Variants in RFPL1 observed in about 807,000 individuals in gnomAD.
RFPL1 encodes ret finger protein like 1.
RFPL1 carries 6 observed loss-of-function variants against 9.6 expected under a neutral mutation model. The observed-to-expected ratio is 0.62, with a 90% CI of 0.34 to 1.23. The LOEUF is 1.23. Among genes scored for constraint, RFPL1 ranks in the 50% most tolerant of loss-of-function variants. RFPL1 has a pLI of 0.03. For synonymous variants in RFPL1, 145 were observed against 149.4 expected, an observed-to-expected ratio of 0.97 and a Z score of 0.22; for missense variants, 352 against 398.4, an observed-to-expected ratio of 0.88 and a Z score of 0.99.
chr22:29,427,501 T>C, the RFPL1 span, among the ~76,000 whole-genome samples: 1 of 152,176 alleles, frequency 6.6e-6, no homozygotes, highest in South Asian at 2.1e-4. Context: ...AGACAACCAA[T>C]GGATGCCCAT....
At chr22:29,399,562 G>A in the RFPL1 span, among the ~76,000 whole-genome samples, 2 of 152,152 alleles carry the variant, frequency 1.3e-5, no homozygotes, top group African/African-American at 4.8e-5. Context: ...GAACTTTATC[G>A]GGTCTTTTCC....
chr22:29,436,147 G>A (rs906859161), upstream of RFPL1, among the ~76,000 whole-genome samples: 2 of 151,788 alleles, frequency 1.3e-5, no homozygotes, highest in African/African-American at 2.4e-5. Context: ...GGGTAAGGGG[G>A]AGGGGAGCTT....
At chr22:29,441,545 A>G in exon 2 of RFPL1, 1 of 1,612,074 alleles carries the variant, frequency 6.2e-7, no homozygotes, top group East Asian at 2.2e-5. Flanking sequence ...TTCACAGTGG[A>G]TATGACCTTG....
chr22:29,420,084 T>A, the RFPL1 span, among the ~76,000 whole-genome samples: 45 of 152,212 alleles, frequency 3.0e-4, no homozygotes, highest in Non-Finnish European at 5.6e-4. Context: ...CATGGAGGCC[T>A]TTCCTGTTTT....
the RFPL1 span, among the ~76,000 whole-genome samples, chr22:29,422,337 G>A: frequency 1.4e-3 from 212 of 152,256 alleles, 6 homozygotes; most frequent in Admixed American, 6.5e-4. Flanking sequence ...CTAGCACTTT[G>A]GGAGGCTGAG....
At chr22:29,423,055 C>T in the RFPL1 span, 1 of 1,064,852 alleles carries the variant, frequency 9.4e-7, no homozygotes. Context: ...CTCCCTACCG[C>T]CATAGGAGGA....
the RFPL1 span, among the ~76,000 whole-genome samples, chr22:29,410,245 G>A: frequency 7.6e-6 from 1 of 131,692 alleles, no homozygotes; most frequent in Non-Finnish European, 1.6e-5. Context: ...ATATATAGTA[G>A]ATATATATTT....
At chr22:29,390,618 C>T in the RFPL1 span, among the ~76,000 whole-genome samples, 4 of 109,478 alleles carry the variant, frequency 3.7e-5, no homozygotes, top group African/African-American at 9.8e-5. Flanking sequence ...TTATTTTAGA[C>T]GGAGCCTCGC....
At chr22:29,418,080 G>A in the RFPL1 span, among the ~76,000 whole-genome samples, 1 of 151,672 alleles carries the variant, frequency 6.6e-6, no homozygotes, top group African/African-American at 2.4e-5. Flanking sequence ...ACATGTGCCC[G>A]CCACCATACC....
At chr22:29,420,910 G>C in the RFPL1 span, among the ~76,000 whole-genome samples, 1 of 151,944 alleles carries the variant, frequency 6.6e-6, no homozygotes, top group Non-Finnish European at 1.5e-5. Flanking sequence ...CAAAGTGCTG[G>C]GATTACAGGC....
At chr22:29,392,978 C>G in the RFPL1 span, among the ~76,000 whole-genome samples, 1 of 152,304 alleles carries the variant, frequency 6.6e-6, no homozygotes, top group East Asian at 1.9e-4. Flanking sequence ...CAACAGTGAA[C>G]AGGGTATGGC....
upstream of RFPL1, among the ~76,000 whole-genome samples, chr22:29,434,003 A>ACT (rs756241099): frequency 6.7e-6 from 1 of 149,560 alleles, no homozygotes; most frequent in East Asian, 1.9e-4. Context: ...ACACACACTC[A>ACT]CACACACACA....
chr22:29,438,698 T>C, exon 1 of RFPL1: 3 of 1,334,302 alleles, frequency 2.2e-6, no homozygotes, highest in Non-Finnish European at 3.1e-6. Context: ...GAACTTCAAA[T>C]CTCTGAAGAC....
At chr22:29,420,483 G>A in the RFPL1 span, among the ~76,000 whole-genome samples, 19 of 151,788 alleles carry the variant, frequency 1.3e-4, no homozygotes, top group Non-Finnish European at 2.1e-4. Context: ...GGCACGTGCC[G>A]TCATGCCTGG....
chr22:29,393,461 G>T, the RFPL1 span, among the ~76,000 whole-genome samples: 1 of 152,168 alleles, frequency 6.6e-6, no homozygotes, highest in Non-Finnish European at 1.5e-5. Context: ...ACAGAAGTGG[G>T]GAAGGGAGCA....
At chr22:29,423,944 C>G in the RFPL1 span, among the ~76,000 whole-genome samples, 13 of 152,240 alleles carry the variant, frequency 8.5e-5, no homozygotes, top group East Asian at 1.5e-3. Flanking sequence ...ATAGCTCATG[C>G]CTGTAATCCC....
At chr22:29,391,064 C>T in the RFPL1 span, among the ~76,000 whole-genome samples, 1 of 151,706 alleles carries the variant, frequency 6.6e-6, no homozygotes, top group Admixed American at 6.6e-5. Flanking sequence ...ATGGCGTGAA[C>T]CCGGGAGGTG....
At chr22:29,411,817 A>G in the RFPL1 span, among the ~76,000 whole-genome samples, 1 of 152,228 alleles carries the variant, frequency 6.6e-6, no homozygotes, top group Non-Finnish European at 1.5e-5. Context: ...AAATGATGGT[A>G]AGACATGGGT....
chr22:29,396,595 A>G, the RFPL1 span, among the ~76,000 whole-genome samples: 1 of 152,346 alleles, frequency 6.6e-6, no homozygotes, highest in South Asian at 2.1e-4. Flanking sequence ...CCTGGCATCT[A>G]TAAGTCCCCC....
Sources: gnomAD v4.1 joint callset for allele counts (sites outside exome capture counted in the v4.1 genomes callset) on GRCh38, gnomAD v4.1.1 for gene constraint, MANE v1.5 for transcripts, NCBI Gene and HGNC (gene_info 2026-07-23, HGNC 2026-07-21) for gene names.